The following SPOCK3 variants were observed in gnomAD, a reference collection of about 807,000 sequenced individuals.
The protein encoded by SPOCK3 is SPARC (osteonectin), cwcv and kazal like domains proteoglycan 3, also known as testican-3.
SPOCK3 carries 30 observed loss-of-function variants against 56.6 expected under a neutral mutation model. The observed-to-expected ratio is 0.53, with a 90% CI of 0.40 to 0.72. The LOEUF is 0.72. SPOCK3 is among the 30% of genes least tolerant of loss of function. The pLI is 0.00. For synonymous variants in SPOCK3, 196 were observed against 183.3 expected (o/e 1.07, Z -0.56); for missense variants, 527 against 530.0 (o/e 0.99, Z 0.06).
chr4:166,909,533 C>A (rs1009982538), intron 5 of SPOCK3, among the ~76,000 whole-genome samples: 14 of 152,006 alleles, frequency 9.2e-5, no homozygotes, highest in South Asian at 2.1e-4. Context: ...TAAAAAAAAA[C>A]CATTTGTATC....
rs1735942267 is a variant in SPOCK3 at position 166,748,503 on chromosome 4, T to C, written c.931+6005A>G. Among the ~76,000 whole-genome samples, 2 of 136,882 alleles carry C rather than the reference T, an allele frequency of 1.5e-5. 1 individual carries two copies. Among genetic ancestry groups the C allele is most frequent in the Non-Finnish European group, 3.1e-5 (2 of 64,638 alleles). The allele number at this position is 136,882 out of a possible 152,430, so 89.8% of individuals were successfully genotyped here. ...AGTTAACTCAAGATGGATTAAAGAC[T>C]TAAATGTTAGACCTAAAGCCATAAA... On this transcript the variant is annotated intron_variant, in intron 8 of 10. Transcript: ENST00000357545.
intron 2 of SPOCK3, among the ~76,000 whole-genome samples, chr4:167,187,589 T>C (rs911058731): frequency 2.0e-5 from 3 of 152,074 alleles, no homozygotes; most frequent in Non-Finnish European, 2.9e-5. Flanking sequence ...TAAAGTGCTA[T>C]GATTAATCTT....
chr4:167,079,496 G>A (rs1188151285), intron 2 of SPOCK3, among the ~76,000 whole-genome samples: 4 of 151,786 alleles, frequency 2.6e-5, no homozygotes, highest in African/African-American at 9.7e-5. Context: ...TAGAAATGGG[G>A]ATAAATCTTT....
intron 9 of SPOCK3, among the ~76,000 whole-genome samples, chr4:166,738,468 CTTT>C (rs1039378098): frequency 1.4e-5 from 2 of 147,610 alleles, no homozygotes; most frequent in Non-Finnish European, 3.0e-5. Flanking sequence ...GTTTTTTTTT[CTTT>C]TTTTATTATT....
intron 2 of SPOCK3, among the ~76,000 whole-genome samples, chr4:167,224,903 G>T (rs574661823): frequency 6.6e-6 from 1 of 152,180 alleles, no homozygotes; most frequent in African/African-American, 2.4e-5. Context: ...CTGACCTCAA[G>T]ATCTGCCCAC....
At chr4:167,074,333 G>T (rs1329301491) in intron 2 of SPOCK3, among the ~76,000 whole-genome samples, 1 of 151,938 alleles carries the variant, frequency 6.6e-6, no homozygotes, top group East Asian at 1.9e-4. Flanking sequence ...GAACGCTGCT[G>T]CCTGCAACTC....
chr4:167,058,384 T>G (rs919907426), intron 3 of SPOCK3, among the ~76,000 whole-genome samples: 1 of 152,286 alleles, frequency 6.6e-6, no homozygotes, highest in African/African-American at 2.4e-5. Context: ...AAATCATTAG[T>G]GAACTCCCAT....
chr4:167,136,377 T>A (rs985880324), intron 2 of SPOCK3, among the ~76,000 whole-genome samples: 1 of 152,120 alleles, frequency 6.6e-6, no homozygotes, highest in African/African-American at 2.4e-5. Context: ...AATACCTTTT[T>A]TTGGGCTGTG....
intron 3 of SPOCK3, among the ~76,000 whole-genome samples, chr4:167,016,602 G>A (rs1362725529): frequency 2.0e-5 from 3 of 151,192 alleles, no homozygotes; most frequent in African/African-American, 2.4e-5. Context: ...GTGCAGTGGC[G>A]CGATCTCAGC....
chr4:166,974,397 T>C (rs1745720002), intron 4 of SPOCK3, among the ~76,000 whole-genome samples: 1 of 152,174 alleles, frequency 6.6e-6, no homozygotes, highest in Non-Finnish European at 1.5e-5. Context: ...TCAATAATTT[T>C]CAAATACATG....
intron 2 of SPOCK3, among the ~76,000 whole-genome samples, chr4:167,211,623 T>A (rs976905229): frequency 6.6e-6 from 1 of 152,168 alleles, no homozygotes; most frequent in Non-Finnish European, 1.5e-5. Flanking sequence ...GAAGTTTCCA[T>A]GCACAAACTC....
intron 4 of SPOCK3, among the ~76,000 whole-genome samples, chr4:166,967,445 G>C (rs1277614259): frequency 1.3e-5 from 2 of 152,000 alleles, no homozygotes; most frequent in African/African-American, 4.8e-5. Context: ...TGGATCATGG[G>C]GGCAGATTTC....
chr4:166,979,583 C>A (rs1223996700), intron 4 of SPOCK3, among the ~76,000 whole-genome samples: 1 of 152,158 alleles, frequency 6.6e-6, no homozygotes, highest in Admixed American at 6.5e-5. Flanking sequence ...CAGCCAACAA[C>A]CACCTTCACC....
At chr4:167,075,062 C>G (rs1757048094) in intron 2 of SPOCK3, among the ~76,000 whole-genome samples, 1 of 151,736 alleles carries the variant, frequency 6.6e-6, no homozygotes, top group Non-Finnish European at 1.5e-5. Context: ...CTAAAGTCGC[C>G]CTACTGTGCA....
chr4:167,212,431 G>A (rs530635390), intron 2 of SPOCK3, among the ~76,000 whole-genome samples: 5 of 151,866 alleles, frequency 3.3e-5, no homozygotes, highest in East Asian at 3.9e-4. Context: ...TTGTAGAGCC[G>A]GGGTTTCATC....
intron 2 of SPOCK3, among the ~76,000 whole-genome samples, chr4:167,100,607 A>G (rs1169615500): frequency 6.6e-6 from 1 of 152,104 alleles, no homozygotes; most frequent in Non-Finnish European, 1.5e-5. Flanking sequence ...AATATGCACA[A>G]ATAATTAGGA....
intron 5 of SPOCK3, among the ~76,000 whole-genome samples, chr4:166,890,258 A>G (rs929882711): frequency 2.6e-5 from 4 of 151,936 alleles, no homozygotes; most frequent in Admixed American, 2.6e-4. Flanking sequence ...GTGGTCTAGA[A>G]GAGAGGAATG....
intron 4 of SPOCK3, among the ~76,000 whole-genome samples, chr4:166,926,765 C>A (rs1394699083): frequency 1.3e-5 from 2 of 152,088 alleles, no homozygotes; most frequent in Admixed American, 1.3e-4. Flanking sequence ...ATCCCAAGTT[C>A]TATTTTAGCA....
At position 166,846,479 on chromosome 4, in the gene SPOCK3, T is replaced by C. The variant is rs115672841; in HGVS notation, c.589+42651A>G. Among the ~76,000 whole-genome samples, 1,011 of 152,204 alleles carry C rather than the reference T, an allele frequency of 6.6e-3. 10 individuals are homozygous for C. Among genetic ancestry groups the C allele is most frequent in the African/African-American group, 0.023 (952 of 41,554 alleles). On this transcript the variant is annotated intron_variant, in intron 6 of 10. Coordinates refer to ENST00000357545, the MANE Select transcript of SPOCK3 (RefSeq NM_001040159.2). ...TCCTAACAGTGAATAGGAATAAATA[T>C]GGTTGAAAAAATATTTGTGATTCAT...
Sources: gnomAD v4.1 joint callset for allele counts (sites outside exome capture counted in the v4.1 genomes callset) on GRCh38, gnomAD v4.1.1 for gene constraint, MANE v1.5 for transcripts, NCBI Gene and HGNC (gene_info 2026-07-23, HGNC 2026-07-21) for gene names.